Variants in ANO1 observed in about 807,000 individuals in gnomAD.
ANO1 encodes the protein anoctamin-1.
A neutral mutation model predicts 124.0 loss-of-function variants in ANO1; 59 were observed. The ratio of observed to expected loss-of-function variants is 0.48; its 90% CI spans 0.39 to 0.59. ANO1 has a LOEUF of 0.59. ANO1 is among the 20% of genes least tolerant of loss of function. The probability of loss-of-function intolerance (pLI) is 0.00; values close to 1 mark genes in which losing one functional copy is unlikely to be tolerated. For synonymous variants in ANO1, 529 were observed against 532.0 expected, an observed-to-expected ratio of 0.99 and a Z score of 0.08; for missense variants, 1,059 against 1,328.0, an observed-to-expected ratio of 0.80 and a Z score of 3.15.
intron 11 of ANO1, 37 bp downstream of exon 11, chr11:70,132,116 T>C (rs2046782527): frequency 6.4e-7 from 1 of 1,551,020 alleles, no homozygotes; most frequent in Non-Finnish European, 8.7e-7. Flanking sequence ...TTTTGGGCAG[T>C]GGTGAGTCTG....
the ANO1 span, among the ~76,000 whole-genome samples, chr11:69,969,873 G>T: frequency 2.6e-5 from 4 of 152,116 alleles, no homozygotes; most frequent in African/African-American, 9.7e-5. Flanking sequence ...CTTGAACCTG[G>T]GGGGCAGAGG....
intron 11 of ANO1, among the ~76,000 whole-genome samples, chr11:70,148,914 G>C (rs2047482077): frequency 6.6e-6 from 1 of 152,240 alleles, no homozygotes. Flanking sequence ...GAGGAGCTGG[G>C]TTTTTCTCAC....
intron 1 of ANO1, among the ~76,000 whole-genome samples, chr11:70,013,496 G>C (rs1176183251): frequency 6.6e-6 from 1 of 152,096 alleles, no homozygotes; most frequent in Non-Finnish European, 1.5e-5. Context: ...GTGTCAGCTG[G>C]GCGTGGTGAC....
chr11:70,177,376 G>T (rs999861980), intron 22 of ANO1, among the ~76,000 whole-genome samples: 3 of 152,194 alleles, frequency 2.0e-5, no homozygotes, highest in Admixed American at 1.3e-4. Context: ...TTCTTGAAAC[G>T]TTCAACTCTC....
intron 1 of ANO1, among the ~76,000 whole-genome samples, chr11:70,005,447 A>T (rs1211684937): frequency 2.0e-5 from 3 of 152,200 alleles, no homozygotes; most frequent in African/African-American, 4.8e-5. Flanking sequence ...TTGTTGGCAC[A>T]CTGTCCTGAA....
At chr11:70,013,741 G>C (rs1481650672) in intron 1 of ANO1, among the ~76,000 whole-genome samples, 1 of 149,718 alleles carries the variant, frequency 6.7e-6, no homozygotes, top group African/African-American at 2.5e-5. Context: ...AGCGGAGGTT[G>C]CCATGAACCG....
chr11:70,165,009 T>C (rs2048197110), intron 19 of ANO1, among the ~76,000 whole-genome samples: 1 of 152,084 alleles, frequency 6.6e-6, no homozygotes, highest in African/African-American at 2.4e-5. Context: ...GTAACAGAGA[T>C]GGGGGTCTCA....
chr11:70,011,204 C>T (rs2120354716), intron 1 of ANO1, among the ~76,000 whole-genome samples: 1 of 152,138 alleles, frequency 6.6e-6, no homozygotes, highest in East Asian at 1.9e-4. Flanking sequence ...TGTGCAATGG[C>T]CTGGGGTCGG....
chr11:69,982,952 A>G (rs1350781882), upstream of ANO1, among the ~76,000 whole-genome samples: 1 of 152,200 alleles, frequency 6.6e-6, no homozygotes, highest in African/African-American at 2.4e-5. Flanking sequence ...GGCAGGGTGT[A>G]CGTGACAATC....
rs2044437885 is a variant in ANO1 at position 70,087,699 on chromosome 11, G to A, written c.109-53G>A. The A allele has an allele frequency of 5.4e-6, 8 of 1,483,620 alleles. No individual in the cohort carries two copies. In the East Asian group the frequency reaches 1.9e-4, roughly 35 times the overall value. The allele number at this position is 1,483,620 out of a possible 1,614,324, so 91.9% of individuals were successfully genotyped here. A position where few individuals can be genotyped will look rare whatever the true frequency, so the allele number is the denominator to read the frequency against. ...TGAAGGGAGCAGCGCACCCTCCAAA[G>A]GCCCATCACGAGCAGCTCGATGGTG... On this transcript the variant is annotated intron_variant, in intron 1 of 25. Coordinates refer to ENST00000355303, the MANE Select transcript of ANO1 (RefSeq NM_018043.7).
intron 11 of ANO1, among the ~76,000 whole-genome samples, chr11:70,146,379 C>G (rs977154509): frequency 6.6e-6 from 1 of 152,084 alleles, no homozygotes. Context: ...GATACCTCCT[C>G]GTGAACTGGT....
chr11:70,077,197 G>A (rs1035799036), upstream of ANO1, among the ~76,000 whole-genome samples: 9 of 152,168 alleles, frequency 5.9e-5, no homozygotes, highest in Non-Finnish European at 1.2e-4. Flanking sequence ...ATTGAGCATC[G>A]GCTGTGTGAA....
At chr11:70,141,916 C>G (rs1026394749) in intron 11 of ANO1, among the ~76,000 whole-genome samples, 4 of 152,124 alleles carry the variant, frequency 2.6e-5, no homozygotes, top group Admixed American at 6.5e-5. Context: ...GTCGTGGCCA[C>G]CCGCCCGCCG....
At chr11:70,119,678 T>C (rs1276782482) in intron 8 of ANO1, among the ~76,000 whole-genome samples, 1 of 136,822 alleles carries the variant, frequency 7.3e-6, no homozygotes, top group Non-Finnish European at 1.6e-5. Context: ...TGATGGATGA[T>C]GGATGGGTGG....
chr11:70,123,030 G>A (rs1224083519), intron 8 of ANO1, among the ~76,000 whole-genome samples: 1 of 152,114 alleles, frequency 6.6e-6, no homozygotes, highest in Non-Finnish European at 1.5e-5. Context: ...TGTACCTTTC[G>A]CACATCACTA....
At chr11:70,146,645 G>C (rs1038218900) in intron 11 of ANO1, among the ~76,000 whole-genome samples, 1 of 152,160 alleles carries the variant, frequency 6.6e-6, no homozygotes, top group Non-Finnish European at 1.5e-5. Context: ...TCTGCAAGTG[G>C]AGGAGAAGGG....
chr11:69,993,214 C>T (rs1421266220), intron 1 of ANO1, among the ~76,000 whole-genome samples: 2 of 152,182 alleles, frequency 1.3e-5, no homozygotes, highest in Non-Finnish European at 2.9e-5. Context: ...GCAAACACTA[C>T]CCTTGATACC....
At chr11:70,113,559 G>A (rs1223661857) in intron 7 of ANO1, among the ~76,000 whole-genome samples, 1 of 140,488 alleles carries the variant, frequency 7.1e-6, no homozygotes, top group Non-Finnish European at 1.6e-5. Context: ...CTGGGTGCCA[G>A]GAAGACAGCC....
At chr11:70,069,967 T>C (rs1404450219) in intron 1 of ANO1, among the ~76,000 whole-genome samples, 2 of 152,234 alleles carry the variant, frequency 1.3e-5, no homozygotes, top group Non-Finnish European at 2.9e-5. Flanking sequence ...TAACCCTATA[T>C]GACACGGATC....
Sources: gnomAD v4.1 joint callset for allele counts (sites outside exome capture counted in the v4.1 genomes callset) on GRCh38, gnomAD v4.1.1 for gene constraint, MANE v1.5 for transcripts, NCBI Gene and HGNC (gene_info 2026-07-23, HGNC 2026-07-21) for gene names.